The following CDH11 variants were observed in gnomAD, a reference collection of about 807,000 sequenced individuals.
CDH11 encodes the protein cadherin-11.
Under a neutral mutation model 67.8 loss-of-function variants are expected in CDH11, and 11 were observed. The ratio of observed to expected loss-of-function variants is 0.16; its 90% confidence interval spans 0.10 to 0.27. The LOEUF is 0.27. Ranked by LOEUF, CDH11 falls within the 10% of genes least tolerant of loss-of-function variation. The probability of loss-of-function intolerance (pLI) is 1.00; values close to 1 mark genes in which losing one functional copy is unlikely to be tolerated. For missense variants in CDH11, 847 were observed against 1,031.2 expected, an observed-to-expected ratio of 0.82 and a Z score of 2.45; for synonymous variants, 419 against 400.0, an observed-to-expected ratio of 1.05 and a Z score of -0.57.
At chr16:65,099,962 G>A (rs1413896232) in intron 1 of CDH11, among the ~76,000 whole-genome samples, 1 of 152,140 alleles carries the variant, frequency 6.6e-6, no homozygotes, top group Non-Finnish European at 1.5e-5. Context: ...AGGGCAGTTA[G>A]GAGATTAAGG....
At chr16:64,961,455 G>A (rs1230378241) in intron 11 of CDH11, among the ~76,000 whole-genome samples, 1 of 152,016 alleles carries the variant, frequency 6.6e-6, no homozygotes, top group Non-Finnish European at 1.5e-5. Context: ...TTGTAGCCCT[G>A]GGGTTCTGAG....
chr16:65,094,105 A>G lies in CDH11; in HGVS notation c.-298+27775T>C, dbSNP rs181534784. ...AAGAGAAGTCGAATGGCCTTCATAAATACCAGCAATGCACTAAGATTTAAA... is the reference window on the plus strand; with the variant it reads ...AAGAGAAGTCGAATGGCCTTCATAAGTACCAGCAATGCACTAAGATTTAAA... On this transcript the variant is annotated intron_variant, in intron 1 of 12. Transcript: ENST00000268603. Among the ~76,000 whole-genome samples, 114 of 152,358 alleles carry G rather than the reference A, an allele frequency of 7.5e-4. No individual in the cohort carries two copies. In the East Asian group the frequency reaches 0.014, roughly 19 times the overall value.
chr16:64,998,940 T>C lies in CDH11; in HGVS notation c.229-84A>G, dbSNP rs2072844716. 14 of 1,067,340 alleles carry C rather than the reference T, an allele frequency of 1.3e-5. No homozygotes were observed. The East Asian group carries it at 2.7e-4, about 21-fold the overall frequency. 66.1% of individuals were successfully genotyped at this position (1,067,340 alleles called of 1,614,324 possible). ...CTTACAAGTGATTGCAACAATCTGC[T>C]GCGCACACACACACGTCATGAAAGG... is the stretch of plus-strand genomic sequence containing the variant. On this transcript the variant is annotated intron_variant, in intron 3 of 12. Transcript: ENST00000268603.
intron 1 of CDH11, among the ~76,000 whole-genome samples, chr16:65,091,186 T>C (rs2074786519): frequency 6.6e-6 from 1 of 152,230 alleles, no homozygotes; most frequent in Non-Finnish European, 1.5e-5. Context: ...TGACTGAATT[T>C]AGTCCACCAT....
chr16:65,122,117 C>T, upstream of CDH11: 1 of 81,688 alleles, frequency 1.2e-5, no homozygotes, highest in Non-Finnish European at 2.4e-5. Context: ...AGGTGGCGGG[C>T]GGGCAGGCGG....
intron 1 of CDH11, among the ~76,000 whole-genome samples, chr16:65,060,248 C>T (rs1318726324): frequency 6.6e-6 from 1 of 151,926 alleles, no homozygotes; most frequent in African/African-American, 2.4e-5. Context: ...TCTTCCCCTC[C>T]CACTCAGCAA....
intron 8 of CDH11, chr16:64,981,003 T>G (rs926920968): frequency 6.6e-6 from 1 of 151,984 alleles, no homozygotes; most frequent in African/African-American, 2.4e-5. Context: ...CTTATCACCC[T>G]CTCATTTTTG....
chr16:65,010,830 G>C (rs2073160363), intron 2 of CDH11, among the ~76,000 whole-genome samples: 1 of 151,832 alleles, frequency 6.6e-6, no homozygotes, highest in Non-Finnish European at 1.5e-5. Flanking sequence ...ACATTAAATT[G>C]TCATAAAAGT....
At chr16:65,078,172 C>T (rs1303611276) in intron 1 of CDH11, among the ~76,000 whole-genome samples, 1 of 152,228 alleles carries the variant, frequency 6.6e-6, no homozygotes, top group Non-Finnish European at 1.5e-5. Flanking sequence ...AAAGAAACCT[C>T]CCTGACACTG....
Position 64,950,863 on chromosome 16 carries a change from C to T in CDH11, c.1798G>A (p.Ala600Thr). ...GCCTCTGCGTTGCAGGAGAGCAGTGCCCCGTTCACGTCGCACCCGCAGACT... is the reference window on the plus strand; with the variant it reads ...GCCTCTGCGTTGCAGGAGAGCAGTGTCCCGTTCACGTCGCACCCGCAGACT... ...IKVCGCDVNG[A>T]LLSCNAEAYI... Residue 600 changes from alanine (A) to threonine (T), a missense_variant, in exon 12 of 13, where the codon GCA (alanine) becomes ACA (threonine). This residue lies in a region of CDH11 where 612 missense variants were observed against 678.7 expected (regional missense o/e 0.90). Coordinates refer to ENST00000268603, the MANE Select transcript of CDH11 (RefSeq NM_001797.4). The T allele has an allele frequency of 1.2e-6, 2 of 1,614,222 alleles. No individual in the cohort carries two copies. The highest frequency in any genetic ancestry group is 1.1e-5 in the South Asian group (1 of 91,086).
intron 8 of CDH11, among the ~76,000 whole-genome samples, chr16:64,979,942 T>A (rs1466658294): frequency 1.3e-5 from 2 of 152,228 alleles, no homozygotes; most frequent in African/African-American, 4.8e-5. Flanking sequence ...AAAATCATTA[T>A]GCTACATGCA....
chr16:65,041,593 G>A (rs1309547468), intron 2 of CDH11, among the ~76,000 whole-genome samples: 1 of 152,188 alleles, frequency 6.6e-6, no homozygotes, highest in Non-Finnish European at 1.5e-5. Context: ...CAAGAATAAA[G>A]TGGATTAAGT....
intron 1 of CDH11, among the ~76,000 whole-genome samples, chr16:65,054,220 C>T (rs2074106709): frequency 6.6e-6 from 1 of 152,188 alleles, no homozygotes; most frequent in Admixed American, 6.5e-5. Flanking sequence ...GTGTCATTCA[C>T]ATACATTTGC....
intron 1 of CDH11, among the ~76,000 whole-genome samples, chr16:65,109,371 G>A (rs1438083634): frequency 6.6e-6 from 1 of 152,276 alleles, no homozygotes; most frequent in South Asian, 2.1e-4. Flanking sequence ...CCTTTCAAAG[G>A]TGTATCAGAA....
chr16:65,111,521 A>C (rs2075155752), intron 1 of CDH11, among the ~76,000 whole-genome samples: 1 of 152,158 alleles, frequency 6.6e-6, no homozygotes, highest in South Asian at 2.1e-4. Flanking sequence ...TAAACTGTGG[A>C]GCGTAAGTCC....
At chr16:65,105,614 T>A (rs960366422) in intron 1 of CDH11, among the ~76,000 whole-genome samples, 5 of 152,220 alleles carry the variant, frequency 3.3e-5, no homozygotes, top group African/African-American at 1.2e-4. Context: ...TGCCTTATAG[T>A]AAACCCAAAT....
rs1022067604 is a variant in CDH11, at chr16:64,947,508, C to G, written c.*95G>C. ...TAAAACTTTGCCTGTTTTAAATGAG[C>G]CTTTCCTTGATTTAAAAAAATACCT... is the stretch of plus-strand genomic sequence containing the variant. On this transcript the variant is annotated 3_prime_UTR_variant, in exon 13 of 13. Transcript: ENST00000268603. 6 of 1,513,698 alleles carry G rather than the reference C, an allele frequency of 4.0e-6. No individual in the cohort carries two copies. Among genetic ancestry groups the G allele is most frequent in the East Asian group, 2.3e-5 (1 of 44,034 alleles). The allele number at this position is 1,513,698 out of a possible 1,614,324, so 93.8% of individuals were successfully genotyped here.
At chr16:64,955,488 C>T (rs975601215) in intron 11 of CDH11, among the ~76,000 whole-genome samples, 6 of 151,898 alleles carry the variant, frequency 4.0e-5, no homozygotes, top group African/African-American at 1.5e-4. Flanking sequence ...CCTGTAATCT[C>T]GACACTTTGG....
intron 8 of CDH11, 104 bp from the exon 9 acceptor site, chr16:64,973,144 A>G (rs2142431017): frequency 9.2e-7 from 1 of 1,085,842 alleles, no homozygotes; most frequent in Non-Finnish European, 1.3e-6. Flanking sequence ...TCAATGAATT[A>G]CTTAAGCTAG....
Sources: gnomAD v4.1 joint callset for allele counts (sites outside exome capture counted in the v4.1 genomes callset) on GRCh38, gnomAD v4.1.1 for gene constraint, gnomAD v4.1.1 regional missense constraint, MANE v1.5 for transcripts, NCBI Gene and HGNC (gene_info 2026-07-23, HGNC 2026-07-21) for gene names.